Variants in ADGB observed in about 807,000 individuals in gnomAD.
ADGB encodes calpain-7-like protein.
Under a neutral mutation model 210.5 loss-of-function variants are expected in ADGB, and 172 were observed. The observed-to-expected ratio is 0.82, with a 90% confidence interval of 0.72 to 0.93. The LOEUF is 0.93. ADGB is among the 40% of genes least tolerant of loss of function. ADGB has a pLI of 0.00. For missense variants in ADGB, 2,025 were observed against 1,964.8 expected (o/e 1.03, Z -0.58); for synonymous variants, 658 against 662.7 (o/e 0.99, Z 0.11).
intron 3 of ADGB, among the ~76,000 whole-genome samples, chr6:146,647,782 C>T (rs898592306): frequency 2.0e-5 from 3 of 151,836 alleles, no homozygotes; most frequent in Admixed American, 1.3e-4. Context: ...CAGCAAAACA[C>T]AACAAAGTTG....
At chr6:146,734,923 C>CA (rs1189039000) in intron 22 of ADGB, among the ~76,000 whole-genome samples, 2 of 151,372 alleles carry the variant, frequency 1.3e-5, no homozygotes, top group Non-Finnish European at 2.9e-5. Context: ...CTCAAAAAAA[C>CA]AAAAAACAAA....
intron 1 of ADGB, among the ~76,000 whole-genome samples, chr6:146,604,826 T>C (rs1162434585): frequency 1.3e-5 from 2 of 152,078 alleles, no homozygotes; most frequent in South Asian, 2.1e-4. Context: ...TTGGAAGTCA[T>C]AGAAGGAATC....
intron 27 of ADGB, among the ~76,000 whole-genome samples, chr6:146,762,674 T>C (rs1023936167): frequency 1.3e-5 from 2 of 152,134 alleles, no homozygotes; most frequent in Non-Finnish European, 2.9e-5. Flanking sequence ...GCAGTTAATT[T>C]ATTGGCAGCT....
chr6:146,792,712 A>T (rs1284923389), intron 33 of ADGB, among the ~76,000 whole-genome samples: 1 of 152,188 alleles, frequency 6.6e-6, no homozygotes, highest in Non-Finnish European at 1.5e-5. Context: ...TTTTGCATAG[A>T]GAGGAGAAAT....
chr6:146,791,612 G>A (rs1405153744), intron 33 of ADGB, among the ~76,000 whole-genome samples: 1 of 152,024 alleles, frequency 6.6e-6, no homozygotes, highest in Non-Finnish European at 1.5e-5. Flanking sequence ...TAAAGTTCTG[G>A]GTTTACAGGC....
At chr6:146,692,537 G>A (rs1173662701) in intron 11 of ADGB, among the ~76,000 whole-genome samples, 1 of 152,036 alleles carries the variant, frequency 6.6e-6, no homozygotes, top group African/African-American at 2.4e-5. Flanking sequence ...TGAAATAGCA[G>A]CAAATACCAA....
intron 1 of ADGB, among the ~76,000 whole-genome samples, chr6:146,630,864 T>G (rs1781055026): frequency 6.6e-6 from 1 of 152,186 alleles, no homozygotes; most frequent in Non-Finnish European, 1.5e-5. Flanking sequence ...TGTGACTTGC[T>G]TTTACATTAT....
chr6:146,785,740 C>T (rs1055588069), intron 32 of ADGB, 28 bp downstream of exon 32: 17 of 1,485,072 alleles, frequency 1.1e-5, no homozygotes, highest in African/African-American at 4.2e-5. Context: ...CCCCAGCTGC[C>T]TCAGAGCACA....
intron 7 of ADGB, among the ~76,000 whole-genome samples, chr6:146,667,995 G>C (rs1775959867): frequency 6.6e-6 from 1 of 152,002 alleles, no homozygotes; most frequent in Non-Finnish European, 1.5e-5. Context: ...TCTAGATATA[G>C]AGAAATTGCT....
chr6:146,812,688 G>C (rs538773170), intron 35 of ADGB, among the ~76,000 whole-genome samples: 8 of 152,202 alleles, frequency 5.3e-5, no homozygotes, highest in Non-Finnish European at 1.2e-4. Flanking sequence ...TATCGACATT[G>C]TCAGCGTGAA....
intron 33 of ADGB, among the ~76,000 whole-genome samples, chr6:146,798,000 A>T (rs1362424482): frequency 6.6e-6 from 1 of 152,018 alleles, no homozygotes; most frequent in African/African-American, 2.4e-5. Context: ...AAAGTAATAA[A>T]GTAGGCCTAA....
intron 32 of ADGB, among the ~76,000 whole-genome samples, chr6:146,786,161 G>A (rs1777869894): frequency 5.0e-5 from 2 of 39,958 alleles, no homozygotes; most frequent in Non-Finnish European, 9.2e-5. Flanking sequence ...ATATATTTAA[G>A]TTAGTATATA....
At chr6:146,771,452 T>C (rs549651352) in intron 29 of ADGB, among the ~76,000 whole-genome samples, 84 of 152,308 alleles carry the variant, frequency 5.5e-4, no homozygotes, top group South Asian at 1.7e-3. Context: ...TATATGTTTT[T>C]CCCGTCAGGT....
chr6:146,696,273 A>G (rs2114927765), intron 12 of ADGB, among the ~76,000 whole-genome samples: 1 of 152,028 alleles, frequency 6.6e-6, no homozygotes, highest in East Asian at 1.9e-4. Flanking sequence ...ATGGGGTTTC[A>G]CCATGTTGGC....
intron 20 of ADGB, 120 bp from the exon 21 acceptor site, chr6:146,733,000 T>A (rs73006009): frequency 6.9e-6 from 5 of 729,176 alleles, no homozygotes; most frequent in Non-Finnish European, 1.0e-5. Context: ...TCTGTTAGGT[T>A]GCGTGTACAT....
intron 13 of ADGB, among the ~76,000 whole-genome samples, chr6:146,712,312 G>C (rs1017540579): frequency 6.6e-6 from 1 of 151,860 alleles, no homozygotes; most frequent in Non-Finnish European, 1.5e-5. Flanking sequence ...AGCCTCCCAA[G>C]TAGCTGGGGC....
At chr6:146,811,023 A>C (rs1461587966) in intron 35 of ADGB, among the ~76,000 whole-genome samples, 1 of 152,232 alleles carries the variant, frequency 6.6e-6, no homozygotes, top group Non-Finnish European at 1.5e-5. Flanking sequence ...TACATGAAAA[A>C]TTAATTTAAT....
chr6:146,737,873 C>T (rs544194070), intron 23 of ADGB, among the ~76,000 whole-genome samples: 2 of 152,300 alleles, frequency 1.3e-5, no homozygotes, highest in Admixed American at 1.3e-4. Context: ...AAGACCATTT[C>T]ATGGAATCTC....
At chr6:146,768,326 T>C (rs1777605522) in intron 28 of ADGB, among the ~76,000 whole-genome samples, 2 of 152,326 alleles carry the variant, frequency 1.3e-5, no homozygotes, top group South Asian at 2.1e-4. Context: ...AAGTGTGTCT[T>C]AGTATTTCCA....
Sources: gnomAD v4.1 joint callset for allele counts (sites outside exome capture counted in the v4.1 genomes callset) on GRCh38, gnomAD v4.1.1 for gene constraint, MANE v1.5 for transcripts, NCBI Gene and HGNC (gene_info 2026-07-23, HGNC 2026-07-21) for gene names.